Variants in KCNMB2 observed in about 807,000 individuals in gnomAD.
The protein encoded by KCNMB2 is potassium calcium-activated channel subfamily M regulatory beta subunit 2.
KCNMB2 carries 9 observed loss-of-function variants against 24.5 expected under a neutral mutation model. The ratio of observed to expected loss-of-function variants is 0.37; its 90% CI spans 0.22 to 0.64. The LOEUF (loss-of-function observed/expected upper bound fraction) is 0.64, where lower values mean the gene tolerates loss of function less well. KCNMB2 is among the 30% of genes least tolerant of loss of function. The pLI is 0.63. For missense variants in KCNMB2, 226 were observed against 284.3 expected, an observed-to-expected ratio of 0.79 and a Z score of 1.47; for synonymous variants, 109 against 104.4, an observed-to-expected ratio of 1.04 and a Z score of -0.27.
chr3:178,600,996 A>G (rs1718062543), intron 1 of KCNMB2, among the ~76,000 whole-genome samples: 1 of 152,114 alleles, frequency 6.6e-6, no homozygotes, highest in Non-Finnish European at 1.5e-5. Flanking sequence ...CATATACACC[A>G]CGGAATACTA....
intron 1 of KCNMB2, among the ~76,000 whole-genome samples, chr3:178,790,035 A>G (rs528281832): frequency 7.9e-5 from 12 of 151,550 alleles, no homozygotes; most frequent in Non-Finnish European, 1.6e-4. Flanking sequence ...GGGAAAGTAA[A>G]GAGAACTTTG....
chr3:178,803,072 T>A (rs905681944), intron 1 of KCNMB2, among the ~76,000 whole-genome samples: 1 of 152,190 alleles, frequency 6.6e-6, no homozygotes, highest in Non-Finnish European at 1.5e-5. Context: ...CACTTTTACA[T>A]GTATTGTTTT....
chr3:178,723,424 T>C (rs560381194), intron 1 of KCNMB2, among the ~76,000 whole-genome samples: 32 of 152,354 alleles, frequency 2.1e-4, no homozygotes, highest in Admixed American at 8.5e-4. Flanking sequence ...AATAGGCAGA[T>C]GCTCTTTAGA....
intron 1 of KCNMB2, among the ~76,000 whole-genome samples, chr3:178,624,994 C>T (rs570253502): frequency 6.6e-6 from 1 of 152,012 alleles, no homozygotes; most frequent in South Asian, 2.1e-4. Flanking sequence ...GCAGGCTGCC[C>T]AGGGGAAGGG....
At chr3:178,661,425 T>G (rs2108571162) in intron 1 of KCNMB2, among the ~76,000 whole-genome samples, 2 of 152,126 alleles carry the variant, frequency 1.3e-5, no homozygotes, top group South Asian at 4.2e-4. Flanking sequence ...TTTGCTATTG[T>G]GAATAGTGCT....
At chr3:178,646,649 G>T (rs994674593) in intron 1 of KCNMB2, among the ~76,000 whole-genome samples, 8 of 152,304 alleles carry the variant, frequency 5.3e-5, no homozygotes, top group African/African-American at 1.9e-4. Context: ...GAATTAGTTA[G>T]GACTACAGAA....
At chr3:178,733,983 A>G (rs1481838218) in intron 1 of KCNMB2, among the ~76,000 whole-genome samples, 1 of 152,228 alleles carries the variant, frequency 6.6e-6, no homozygotes, top group Non-Finnish European at 1.5e-5. Context: ...AGCCAATAAT[A>G]GGATTTTCTG....
At chr3:178,768,717 G>A (rs1443112807) in intron 1 of KCNMB2, among the ~76,000 whole-genome samples, 5 of 152,094 alleles carry the variant, frequency 3.3e-5, no homozygotes, top group South Asian at 2.1e-4. Flanking sequence ...GAGAGGCAAC[G>A]TGCATTTACT....
In KCNMB2 at chr3:178,610,098, T is replaced by C. The variant is rs537961462; in HGVS notation, c.-68+73387T>C. Among the ~76,000 whole-genome samples the C allele has an allele frequency of 5.3e-5, 8 of 152,340 alleles. No homozygotes were observed. In the South Asian group the frequency reaches 1.7e-3, roughly 32 times the overall value. On this transcript the variant is annotated intron_variant, in intron 1 of 4. Transcript: ENST00000452583. ...ATGAGTTCACTGTAGGTGTGTGGATTTGTTTCTGGGTTCTCTATGTTGTTC... is the reference window on the plus strand; with the variant it reads ...ATGAGTTCACTGTAGGTGTGTGGATCTGTTTCTGGGTTCTCTATGTTGTTC...
chr3:178,612,101 G>A (rs1320287283), intron 1 of KCNMB2, among the ~76,000 whole-genome samples: 1 of 151,980 alleles, frequency 6.6e-6, no homozygotes, highest in Non-Finnish European at 1.5e-5. Context: ...TAGTTTCATT[G>A]TGGTCAGAGA....
At chr3:178,551,827 G>A (rs1410953606) in intron 1 of KCNMB2, among the ~76,000 whole-genome samples, 1 of 152,196 alleles carries the variant, frequency 6.6e-6, no homozygotes, top group Admixed American at 6.5e-5. Flanking sequence ...TACACAACTT[G>A]TAGATGGCAA....
chr3:178,626,176 T>C (rs771211667), intron 1 of KCNMB2, among the ~76,000 whole-genome samples: 59 of 152,178 alleles, frequency 3.9e-4, no homozygotes, highest in Non-Finnish European at 7.1e-4. Context: ...GTATAAGAGA[T>C]CTTGCAAAAA....
At chr3:178,593,185 A>T (rs1381384566) in intron 1 of KCNMB2, among the ~76,000 whole-genome samples, 9 of 152,102 alleles carry the variant, frequency 5.9e-5, no homozygotes, top group Admixed American at 5.9e-4. Context: ...ATTATCAATT[A>T]TATGGCACAT....
chr3:178,828,131 A>C (rs758696043), intron 3 of KCNMB2, 47 bp from the exon 4 acceptor site: 1 of 1,389,694 alleles, frequency 7.2e-7, no homozygotes, highest in East Asian at 2.3e-5. Flanking sequence ...TACCTTTCTC[A>C]CTATTAGCTC....
chr3:178,764,718 T>C (rs1712045657), intron 1 of KCNMB2, among the ~76,000 whole-genome samples: 1 of 152,230 alleles, frequency 6.6e-6, no homozygotes. Context: ...AAGACTGGTG[T>C]GATTGCAAGA....
intron 4 of KCNMB2, among the ~76,000 whole-genome samples, chr3:178,842,449 G>A (rs1156793439): frequency 6.6e-6 from 1 of 152,012 alleles, no homozygotes; most frequent in South Asian, 2.1e-4. Flanking sequence ...AGCAATCAAG[G>A]GACATCTTGG....
intron 1 of KCNMB2, among the ~76,000 whole-genome samples, chr3:178,628,737 A>G (rs1235659899): frequency 1.3e-5 from 2 of 152,120 alleles, no homozygotes; most frequent in Non-Finnish European, 2.9e-5. Flanking sequence ...GTTTCCTGGG[A>G]TTTAGGAAAG....
intron 1 of KCNMB2, among the ~76,000 whole-genome samples, chr3:178,725,674 G>A (rs922147068): frequency 2.0e-5 from 3 of 151,880 alleles, no homozygotes; most frequent in African/African-American, 7.3e-5. Flanking sequence ...ATCTATCTTA[G>A]TGAATTTCCC....
intron 1 of KCNMB2, among the ~76,000 whole-genome samples, chr3:178,707,757 T>G (rs1271693430): frequency 2.0e-5 from 3 of 152,080 alleles, no homozygotes; most frequent in Non-Finnish European, 4.4e-5. Flanking sequence ...ACACCCTGAG[T>G]TCCTACCTAA....
Sources: gnomAD v4.1 joint callset for allele counts (sites outside exome capture counted in the v4.1 genomes callset) on GRCh38, gnomAD v4.1.1 for gene constraint, MANE v1.5 for transcripts, NCBI Gene and HGNC (gene_info 2026-07-23, HGNC 2026-07-21) for gene names.